Variants in PTPRN2 observed in about 807,000 individuals in gnomAD.
The protein encoded by PTPRN2 is receptor-type tyrosine-protein phosphatase N2.
Under a neutral mutation model 118.8 loss-of-function variants are expected in PTPRN2, and 74 were observed. The observed-to-expected ratio is 0.62, with a 90% CI of 0.52 to 0.76. The LOEUF (loss-of-function observed/expected upper bound fraction) is 0.76, where lower values mean the gene tolerates loss of function less well. Among genes scored for constraint, PTPRN2 ranks in the 30% least tolerant of loss-of-function variants. The pLI, the probability that PTPRN2 is intolerant of heterozygous loss-of-function variation, is 0.00. For synonymous variants in PTPRN2, 641 were observed against 608.0 expected (o/e 1.05, Z -0.80); for missense variants, 1,481 against 1,394.4 (o/e 1.06, Z -0.99).
intron 12 of PTPRN2, among the ~76,000 whole-genome samples, chr7:157,742,662 C>T (rs1800703008): frequency 6.6e-6 from 1 of 152,172 alleles, no homozygotes. Context: ...TTCGCCTGAG[C>T]AGCACCAACT....
At chr7:158,208,323 C>T (rs1827321538) in intron 3 of PTPRN2, among the ~76,000 whole-genome samples, 1 of 152,072 alleles carries the variant, frequency 6.6e-6, no homozygotes, top group Non-Finnish European at 1.5e-5. Context: ...ACAGATTCAA[C>T]CCAAATAAGA....
chr7:158,393,605 T>C (rs558502656), intron 2 of PTPRN2, among the ~76,000 whole-genome samples: 3 of 152,324 alleles, frequency 2.0e-5, no homozygotes, highest in South Asian at 2.1e-4. Flanking sequence ...ATCTGCACCT[T>C]TTGGAAGTGG....
intron 5 of PTPRN2, among the ~76,000 whole-genome samples, chr7:158,180,474 A>G (rs1354010718): frequency 6.6e-6 from 1 of 152,102 alleles, no homozygotes. Flanking sequence ...TTTTGGTGCT[A>G]TATGAAAATA....
intron 13 of PTPRN2, among the ~76,000 whole-genome samples, chr7:157,665,832 C>T (rs1198785541): frequency 3.9e-5 from 6 of 152,154 alleles, no homozygotes; most frequent in Non-Finnish European, 8.8e-5. Flanking sequence ...ATGTTCTTTG[C>T]AGGGACATGG....
At position 158,003,143 on chromosome 7, in the gene PTPRN2, G is replaced by A. The variant is rs1457156826; in HGVS notation, c.1723+78155C>T. 1.3e-5 allele frequency among the ~76,000 whole-genome samples: 2 copies of A among 152,136 alleles called. No homozygotes were observed. The highest frequency in any genetic ancestry group is 1.5e-5 in the Non-Finnish European group (1 of 68,026). ...AAGAGGTAAAGGTAAGGCCGGGCGC[G>A]GTGGCTCACGCCTGTAATCCCAGCA... On this transcript the variant is annotated intron_variant, in intron 11 of 22. Transcript: ENST00000389418. The surrounding 1 kb of genome is among the most constrained non-coding windows in gnomAD (Gnocchi z 5.0).
intron 2 of PTPRN2, among the ~76,000 whole-genome samples, chr7:158,431,008 C>T (rs1027937573): frequency 6.6e-5 from 10 of 152,196 alleles, no homozygotes; most frequent in African/African-American, 2.2e-4. Flanking sequence ...AGCTGGCTAA[C>T]GAGGACCACC....
At chr7:157,835,311 G>A (rs1009685065) in intron 12 of PTPRN2, among the ~76,000 whole-genome samples, 4 of 152,128 alleles carry the variant, frequency 2.6e-5, no homozygotes, top group Admixed American at 2.6e-4. Context: ...AAACAGAACC[G>A]TTACCAAGTT....
chr7:158,081,242 G>C, intron 11 of PTPRN2, 56 bp downstream of exon 11: 1 of 1,446,178 alleles, frequency 6.9e-7, no homozygotes, highest in Non-Finnish European at 9.7e-7. Flanking sequence ...GTTTGCGTGC[G>C]TGTGTGTGTG....
intron 2 of PTPRN2, among the ~76,000 whole-genome samples, chr7:158,452,925 G>T (rs1818188615): frequency 6.6e-6 from 1 of 152,232 alleles, no homozygotes; most frequent in South Asian, 2.1e-4. Flanking sequence ...GCCCCACTCG[G>T]CTTGTCTGCA....
chr7:157,943,515 C>T (rs1563261328), intron 11 of PTPRN2, among the ~76,000 whole-genome samples: 1 of 152,104 alleles, frequency 6.6e-6, no homozygotes. Context: ...ATCCCTGCTC[C>T]TGGACCTGTT....
At chr7:157,543,935 G>A (rs1798132388) in intron 22 of PTPRN2, among the ~76,000 whole-genome samples, 1 of 152,218 alleles carries the variant, frequency 6.6e-6, no homozygotes. Context: ...AGGGCGGAGG[G>A]ACAGAGACGG....
chr7:158,312,497 C>G (rs577064011), intron 3 of PTPRN2, among the ~76,000 whole-genome samples: 5 of 150,516 alleles, frequency 3.3e-5, no homozygotes, highest in South Asian at 2.1e-4. Context: ...CACGTGCTCA[C>G]GTGTAGACAC....
chr7:158,199,609 G>A (rs552889917), intron 4 of PTPRN2, among the ~76,000 whole-genome samples: 1 of 152,330 alleles, frequency 6.6e-6, no homozygotes, highest in East Asian at 1.9e-4. Context: ...TATGTCACTG[G>A]CCCATGGTGG....
At chr7:158,527,582 T>C (rs1055008059) in intron 1 of PTPRN2, among the ~76,000 whole-genome samples, 8 of 152,214 alleles carry the variant, frequency 5.3e-5, no homozygotes, top group Non-Finnish European at 1.2e-4. Flanking sequence ...CTACGGTCAG[T>C]GTCCCTCCCA....
chr7:157,568,964 T>C lies in PTPRN2; in HGVS notation c.2840A>G (p.Asp947Gly), dbSNP rs778830037. 1.3e-6 allele frequency: 2 copies of C among 1,566,358 alleles called. No homozygotes were observed. The highest frequency in any genetic ancestry group is 2.2e-5 in the South Asian group (2 of 90,020). Residue 947 changes from aspartate to glycine, a missense_variant and splice_region_variant, in exon 21 of 23, where the codon GAC becomes GGC. Coordinates refer to ENST00000389418, the MANE Select transcript of PTPRN2 (RefSeq NM_002847.5). ...GTAGGTGCCGCTCCGGCCTGCACCG[T>C]CACTGCCAACAGAAGGAGAGAAATG... The part of the protein sequence containing the change: ...RSCPIIVHCS[D>G]GAGRSGTYVL...
At chr7:157,745,218 C>A (rs1800850763) in intron 12 of PTPRN2, among the ~76,000 whole-genome samples, 1 of 152,184 alleles carries the variant, frequency 6.6e-6, no homozygotes, top group Non-Finnish European at 1.5e-5. Context: ...CCTGGGCAGA[C>A]CCTAGAGCTC....
At chr7:158,048,570 CATCATCATCACT>C (rs1809051170) in intron 11 of PTPRN2, among the ~76,000 whole-genome samples, 1 of 112,472 alleles carries the variant, frequency 8.9e-6, no homozygotes, top group South Asian at 2.6e-4. Context: ...CCATCACTAT[CATCATCATCACT>C]ATCATCATCA....
chr7:158,231,117 A>C (rs2150823257), intron 3 of PTPRN2, among the ~76,000 whole-genome samples: 1 of 152,200 alleles, frequency 6.6e-6, no homozygotes, highest in African/African-American at 2.4e-5. Context: ...AAAATCAAAA[A>C]TTAGCCGGGC....
Position 157,596,692 on chromosome 7 carries a change from G to A in PTPRN2, c.2419-1377C>T, listed in dbSNP as rs978679724. Among the ~76,000 whole-genome samples, 11 of 152,116 alleles carry A rather than the reference G, an allele frequency of 7.2e-5. No individual in the cohort carries two copies. Among genetic ancestry groups the A allele is most frequent in the Admixed American group, 2.0e-4 (3 of 15,270 alleles). Reference sequence around the variant, plus strand: ...CCTCCCAGAAGCATCTGCAGAGACCGACCCCCGGAGAGCCGGATGCTGCGC... The same window carrying A: ...CCTCCCAGAAGCATCTGCAGAGACCAACCCCCGGAGAGCCGGATGCTGCGC... On this transcript the variant is annotated intron_variant, in intron 16 of 22. Coordinates refer to ENST00000389418, the MANE Select transcript of PTPRN2 (RefSeq NM_002847.5). This position sits in a 1 kb window ranked among gnomAD's most constrained non-coding sequence, Gnocchi z 4.2.
Sources: allele counts gnomAD v4.1 joint callset (sites outside exome capture counted in the v4.1 genomes callset), GRCh38; gene constraint gnomAD v4.1.1; non-coding constraint Gnocchi (gnomAD v3.1); transcripts MANE v1.5; gene names NCBI Gene and HGNC (gene_info 2026-07-23, HGNC 2026-07-21).